Variants in MITD1 observed in about 807,000 individuals in gnomAD.
MITD1 encodes the protein microtubule interacting and trafficking domain containing 1.
Under a neutral mutation model 34.9 loss-of-function variants are expected in MITD1, and 24 were observed. That is an observed-to-expected ratio of 0.69 (90% CI 0.50 to 0.97). The LOEUF (loss-of-function observed/expected upper bound fraction) is 0.97. Among genes scored for constraint, MITD1 ranks in the 50% least tolerant of loss-of-function variants. The pLI is 0.00. For missense variants in MITD1, 266 were observed against 294.6 expected (o/e 0.90, Z 0.71); for synonymous variants, 102 against 101.4 (o/e 1.01, Z -0.04).
chr2:99,165,019 T>TACACAC (rs56958044), downstream of MITD1, among the ~76,000 whole-genome samples: 1,085 of 136,704 alleles, frequency 7.9e-3, 7 homozygotes, highest in African/African-American at 0.026. Flanking sequence ...CAAAATGGCA[T>TACACAC]ACACACACAC....
intron 2 of MITD1, chr2:99,172,114 G>A (rs574454042): frequency 1.9e-5 from 3 of 154,984 alleles, no homozygotes; most frequent in Admixed American, 6.3e-5. Context: ...AGGGCAGAGC[G>A]CGGTAGCTCA....
At chr2:99,166,502 AACAT>A (rs1196840287), downstream of MITD1, among the ~76,000 whole-genome samples, 2 of 151,322 alleles carry the variant, frequency 1.3e-5, no homozygotes, top group Non-Finnish European at 2.9e-5. Flanking sequence ...AAAAAAAAAA[AACAT>A]ACAGAGAACA....
Position 99,173,984 on chromosome 2 carries a change from T to C in MITD1, c.184A>G (p.Arg62Gly). The C allele has an allele frequency of 6.3e-7, 1 of 1,588,392 alleles. No individual in the cohort carries two copies. The change falls in exon 2 of 7, where the codon AGA becomes GGA. Residue 62 changes from arginine to glycine, a missense_variant. Arg to Gly is a moderately radical substitution (Grantham distance 125). Transcript: ENST00000289359. ...TKDNTKRCNL[R>G]EKISKYMDRA... ...TCCATGTATTTGGAAATTTTTTCTCTGAGATTACATCTCTTAGTATTATCT... is the reference window on the plus strand; with the variant it reads ...TCCATGTATTTGGAAATTTTTTCTCCGAGATTACATCTCTTAGTATTATCT...
At chr2:99,176,465 A>G (rs776054586) in intron 1 of MITD1, among the ~76,000 whole-genome samples, 110 of 151,854 alleles carry the variant, frequency 7.2e-4, no homozygotes, top group Non-Finnish European at 1.5e-3. Context: ...AGCTGGGATT[A>G]TAGGCGCCCG....
At position 99,171,576 on chromosome 2, in the gene MITD1, G is replaced by C. The variant is rs147104345; in HGVS notation, c.324C>G (p.Arg108=). The change falls in exon 3 of 7, where the codon CGC becomes CGG. Residue 108 remains arginine, a synonymous_variant. Transcript: ENST00000289359. ...CTGTAACTGTCTCATTAAGGTATTC[G>C]CGAAAAAGTGACTCATAACTGAAAC... The part of the protein sequence containing the change: ...ATGFSYESLF[R]EYLNETVTEV... 14 of 1,611,990 alleles carry C rather than the reference G, an allele frequency of 8.7e-6. No homozygotes were observed. Among genetic ancestry groups the C allele is most frequent in the African/African-American group, 1.3e-5 (1 of 74,804 alleles).
Position 99,170,590 on chromosome 2 carries a change from G to A in MITD1, c.540C>T (p.His180=), listed in dbSNP as rs1277191390. ...AGTATTGAACTTCCAACAGCACTCC[G>A]TGACTCCTGAGTGACTCTTCTATTT... ...LQEIEESLRS[H]GVLLEVQYSS... The change falls in exon 5 of 7, where the codon CAC becomes CAT. Residue 180 remains histidine (H), a synonymous_variant. Coordinates refer to ENST00000289359, the MANE Select transcript of MITD1 (RefSeq NM_138798.3). The A allele has an allele frequency of 5.0e-6, 8 of 1,607,952 alleles. No homozygotes were observed. Among genetic ancestry groups the A allele is most frequent in the Middle Eastern group, 1.7e-4 (1 of 6,050 alleles).
intron 4 of MITD1, chr2:99,170,948 T>G (rs1437730165): frequency 3.8e-5 from 10 of 262,454 alleles, no homozygotes; most frequent in Non-Finnish European, 6.6e-5. Flanking sequence ...ATCGTAGAAA[T>G]CATAATTATT....
downstream of MITD1, among the ~76,000 whole-genome samples, chr2:99,166,900 T>TATATAGA: frequency 7.0e-6 from 1 of 143,434 alleles, no homozygotes; most frequent in Non-Finnish European, 1.5e-5. Flanking sequence ...TATATATAAA[T>TATATAGA]TTTTCATTAA....
At chr2:99,164,160 C>G (rs2093815456) in intron 7 of MITD1, among the ~76,000 whole-genome samples, 1 of 152,182 alleles carries the variant, frequency 6.6e-6, no homozygotes, top group Non-Finnish European at 1.5e-5. Context: ...TAATTCATCT[C>G]TGGTTGAGTT....
downstream of MITD1, among the ~76,000 whole-genome samples, chr2:99,165,017 C>CAT (rs1158152863): frequency 2.1e-5 from 2 of 96,332 alleles, no homozygotes; most frequent in Non-Finnish European, 4.1e-5. Context: ...GTCAAAATGG[C>CAT]ATACACACAC....
rs761530499 is a variant in MITD1, at chr2:99,180,899, T to G, written c.83A>C (p.Glu28Ala). The G allele has an allele frequency of 6.2e-7, 1 of 1,614,216 alleles. No individual in the cohort carries two copies. Among genetic ancestry groups the G allele is most frequent in the African/African-American group, 1.3e-5 (1 of 75,066 alleles). Residue 28 changes from glutamate (E) to alanine (A), a missense_variant, in exon 1 of 7, where the codon GAG becomes GCG. By Grantham distance (107) the Glu-to-Ala change is moderately radical. Transcript: ENST00000289359. ...CACCAGAGCCTGCGGATACCGCGAC[T>G]CCGAATCTAGTTCTACTGCCCGCTT... ...VLKRAVELDSESRYPQALVCY... is the reference protein window; with the variant it reads ...VLKRAVELDSASRYPQALVCY...
chr2:99,172,577 A>G (rs1012841868), intron 2 of MITD1: 1 of 151,990 alleles, frequency 6.6e-6, no homozygotes, highest in Admixed American at 6.6e-5. Flanking sequence ...GAAACCTTTA[A>G]GGTTTTAAAA....
intron 1 of MITD1, among the ~76,000 whole-genome samples, chr2:99,175,332 T>TA (rs752258934): frequency 2.0e-5 from 3 of 152,246 alleles, no homozygotes; most frequent in Non-Finnish European, 2.9e-5. Flanking sequence ...GTTAGTTCCT[T>TA]AATCTTTCTC....
chr2:99,171,805 C>T, intron 2 of MITD1, 159 bp from the exon 3 acceptor site: 1 of 667,422 alleles, frequency 1.5e-6, no homozygotes, highest in South Asian at 2.1e-5. Flanking sequence ...ATATACATTG[C>T]AGGATGTTAC....
chr2:99,165,386 T>G (rs1051582950), downstream of MITD1, among the ~76,000 whole-genome samples: 2 of 151,926 alleles, frequency 1.3e-5, no homozygotes, highest in East Asian at 1.9e-4. Context: ...AGATTTCTTA[T>G]GAGATTGGAT....
At chr2:99,165,158 A>G (rs879625325), downstream of MITD1, among the ~76,000 whole-genome samples, 4 of 151,940 alleles carry the variant, frequency 2.6e-5, no homozygotes, top group African/African-American at 4.8e-5. Flanking sequence ...ACTGCTGCCT[A>G]GTGGGTTCAA....
Position 99,171,395 on chromosome 2 carries a change from A to G in MITD1, c.425T>C (p.Ile142Thr), listed in dbSNP as rs753238638. 6.2e-7 allele frequency: 1 copy of G among 1,612,432 alleles called. No individual in the cohort carries two copies. Among genetic ancestry groups the G allele is most frequent in the African/African-American group, 1.3e-5 (1 of 74,872 alleles). ...YNFLRFCEML[I>T]KRPCKVKTIH... ...AGTTTTTACTTTACATGGTCTCTTA[A>G]TAAGCATCTCACAAAATCGAAGAAA... The change falls in exon 4 of 7, where the codon ATT becomes ACT. Residue 142 changes from isoleucine (I) to threonine (T), a missense_variant. By Grantham distance (89) the Ile-to-Thr change is moderately conservative (BLOSUM62 -1). Coordinates refer to ENST00000289359, the MANE Select transcript of MITD1 (RefSeq NM_138798.3).
chr2:99,169,283 T>C lies in MITD1; in HGVS notation c.*92A>G. On this transcript the variant is annotated 3_prime_UTR_variant, in exon 7 of 7. Transcript: ENST00000289359. The stretch of plus-strand genomic sequence containing the variant: ...ATAAATTAGTAGAAATATAAAAGTT[T>C]ATTGTTAAATTCATACATTATAAAA... 4 of 624,050 alleles carry C rather than the reference T, an allele frequency of 6.4e-6. No individual in the cohort carries two copies. In the South Asian group the frequency reaches 6.7e-5, roughly 11 times the overall value. 38.7% of individuals were successfully genotyped at this position (624,050 alleles called of 1,614,324 possible).
intron 5 of MITD1, 131 bp downstream of exon 5, chr2:99,170,398 AAAAGTACT>A (rs2093849381): frequency 4.2e-6 from 1 of 235,940 alleles, no homozygotes; most frequent in Non-Finnish European, 7.9e-6. Flanking sequence ...TCAAAAGTGA[AAAAGTACT>A]AAATGGAGTT....
Sources: gnomAD v4.1 joint callset for allele counts (sites outside exome capture counted in the v4.1 genomes callset) on GRCh38, gnomAD v4.1.1 for gene constraint, MANE v1.5 for transcripts, NCBI Gene and HGNC (gene_info 2026-07-23, HGNC 2026-07-21) for gene names.